The following UGT2B7 variants were observed in gnomAD, a reference collection of about 807,000 sequenced individuals.
The protein encoded by UGT2B7 is UDP glucuronosyltransferase family 2 member B7, also known as UDP-glucuronosyltransferase 2B7.
A neutral mutation model predicts 51.9 loss-of-function variants in UGT2B7; 51 were observed. The observed-to-expected ratio is 0.98, with a 90% CI of 0.78 to 1.24. The LOEUF (loss-of-function observed/expected upper bound fraction) is 1.24. UGT2B7 is among the 50% of genes most tolerant of loss of function. The pLI, the probability that UGT2B7 is intolerant of heterozygous loss-of-function variation, is 0.00. For synonymous variants in UGT2B7, 225 were observed against 211.6 expected (o/e 1.06, Z -0.55); for missense variants, 727 against 628.4 (o/e 1.16, Z -1.68).
intron 2 of UGT2B7, among the ~76,000 whole-genome samples, chr4:69,090,764 T>C (rs1719068223): frequency 6.6e-6 from 1 of 152,178 alleles, no homozygotes; most frequent in South Asian, 2.1e-4. Flanking sequence ...ACATTTTTAA[T>C]AGTCTTTCTA....
rs1319098587 is a variant in UGT2B7, at chr4:69,112,845, A to AG, written c.*109_*110insG. The AG allele has an allele frequency of 7.2e-6, 10 of 1,394,488 alleles. No individual in the cohort carries two copies. Among genetic ancestry groups the AG allele is most frequent in the Middle Eastern group, 3.8e-4 (2 of 5,288 alleles). 86.4% of individuals were successfully genotyped at this position (1,394,488 alleles called of 1,614,324 possible). A position where few individuals can be genotyped will look rare whatever the true frequency, so the allele number is the denominator to read the frequency against. ...TTCTTTCTTCCTGAGACAAAAAAAA[A>AG]AAAAGAAAAAAAAATCTTTTCAAAA... On this transcript the variant is annotated 3_prime_UTR_variant, in exon 6 of 6. Transcript: ENST00000305231.
At chr4:69,107,338 G>C in intron 4 of UGT2B7, 76 bp downstream of exon 4, 1 of 1,421,576 alleles carries the variant, frequency 7.0e-7, no homozygotes, top group Non-Finnish European at 9.5e-7. Flanking sequence ...CATGAAACAA[G>C]CTTATTGAAT....
chr4:69,105,548 C>G (rs888925427), intron 3 of UGT2B7, among the ~76,000 whole-genome samples: 5 of 152,118 alleles, frequency 3.3e-5, no homozygotes, highest in African/African-American at 9.7e-5. Flanking sequence ...CTTTGTAGCA[C>G]GTTGTCTCAG....
intron 1 of UGT2B7, among the ~76,000 whole-genome samples, chr4:69,072,742 A>G (rs1718626748): frequency 6.6e-6 from 1 of 152,142 alleles, no homozygotes; most frequent in Non-Finnish European, 1.5e-5. Flanking sequence ...TTTATTGATG[A>G]AGCTTAACAT....
intron 1 of UGT2B7, among the ~76,000 whole-genome samples, chr4:69,087,167 A>G (rs566381145): frequency 3.5e-5 from 5 of 144,516 alleles, no homozygotes; most frequent in East Asian, 2.0e-4. Flanking sequence ...TGGTTAAGTA[A>G]TTTTCTCTAG....
chr4:69,102,929 C>A lies in UGT2B7; in HGVS notation c.993C>A (p.Ile331=), dbSNP rs1252844804. ...ANVIASALAQ[I]PQKVLWRFDG... ...TAATTGCATCAGCCCTGGCCCAGAT[C>A]CCACAAAAGGTAAGATGAAGTGCCT... Residue 331 remains isoleucine (I), a synonymous_variant, in exon 3 of 6, where the codon ATC becomes ATA. Transcript: ENST00000305231. The A allele has an allele frequency of 1.9e-6, 3 of 1,612,596 alleles. No individual in the cohort carries two copies. The highest frequency in any genetic ancestry group is 2.7e-5 in the African/African-American group (2 of 74,868).
At position 69,102,820 on chromosome 4, in the gene UGT2B7, T is replaced by C. The variant is rs775191749; in HGVS notation, c.884T>C (p.Phe295Ser). 14 of 1,612,878 alleles carry C rather than the reference T, an allele frequency of 8.7e-6. No homozygotes were observed. In the South Asian group the frequency reaches 1.5e-4, roughly 18 times the overall value. The change falls in exon 3 of 6, where the codon TTT (phenylalanine) becomes TCT (serine). Residue 295 changes from phenylalanine (F) to serine (S), a missense_variant. Physicochemically the swap from Phe to Ser is radical, Grantham distance 155. Transcript: ENST00000305231. Reference sequence around the variant, plus strand: ...CTTTCTTCACAGGAAATGGAAGACTTTGTACAGAGCTCTGGAGAAAATGGT... The same window carrying C: ...CTTTCTTCACAGGAAATGGAAGACTCTGTACAGAGCTCTGGAGAAAATGGT... ...AKPLPKEMED[F>S]VQSSGENGVV...
In UGT2B7 at chr4:69,112,757, T is replaced by C; in HGVS notation, c.*21T>C. On this transcript the variant is annotated 3_prime_UTR_variant, in exon 6 of 6. Coordinates refer to ENST00000305231, the MANE Select transcript of UGT2B7 (RefSeq NM_001074.4). ...ATTAGTTATATCTGAGATTTGAAGC[T>C]GGAAAACCTGATAGGTGAGACTACT... The C allele has an allele frequency of 6.2e-7, 1 of 1,611,496 alleles. No individual in the cohort carries two copies. Among genetic ancestry groups the C allele is most frequent in the Non-Finnish European group, 8.5e-7 (1 of 1,179,436 alleles).
At chr4:69,101,227 T>G (rs555780868) in intron 2 of UGT2B7, among the ~76,000 whole-genome samples, 2 of 152,114 alleles carry the variant, frequency 1.3e-5, no homozygotes, top group East Asian at 1.9e-4. Context: ...TAAAATTATC[T>G]AAATAAGTGT....
At chr4:69,099,794 A>C (rs1402966959) in intron 2 of UGT2B7, among the ~76,000 whole-genome samples, 2 of 152,032 alleles carry the variant, frequency 1.3e-5, no homozygotes, top group Non-Finnish European at 2.9e-5. Context: ...TGGTCACTTG[A>C]GATATCATTC....
chr4:69,092,407 G>A (rs1719104969), upstream of UGT2B7, among the ~76,000 whole-genome samples: 2 of 152,092 alleles, frequency 1.3e-5, no homozygotes, highest in Non-Finnish European at 2.9e-5. Flanking sequence ...ACAGAGTAAT[G>A]GTTTACTGAC....
intron 1 of UGT2B7, among the ~76,000 whole-genome samples, chr4:69,070,487 C>A (rs997847635): frequency 2.7e-5 from 4 of 147,940 alleles, no homozygotes; most frequent in African/African-American, 9.9e-5. Flanking sequence ...AATTGCAAGA[C>A]AAATTTTATT....
At chr4:69,063,829 C>T (rs1384258455) in intron 1 of UGT2B7, among the ~76,000 whole-genome samples, 1 of 151,968 alleles carries the variant, frequency 6.6e-6, no homozygotes, top group Non-Finnish European at 1.5e-5. Flanking sequence ...TCTTAGGCCT[C>T]CTCATCAGAA....
chr4:69,071,865 T>G (rs1718609197), intron 1 of UGT2B7, among the ~76,000 whole-genome samples: 1 of 152,076 alleles, frequency 6.6e-6, no homozygotes, highest in African/African-American at 2.4e-5. Flanking sequence ...TAGACAAATA[T>G]TAGTCTGGGG....
intron 5 of UGT2B7, among the ~76,000 whole-genome samples, chr4:69,111,521 T>G (rs1719773761): frequency 6.6e-6 from 1 of 152,182 alleles, no homozygotes; most frequent in South Asian, 2.1e-4. Context: ...TTAAAAGGGC[T>G]CATGATGTTG....
intron 3 of UGT2B7, among the ~76,000 whole-genome samples, chr4:69,104,388 G>C (rs1194167364): frequency 6.6e-6 from 1 of 151,992 alleles, no homozygotes; most frequent in African/African-American, 2.4e-5. Flanking sequence ...CTTCAACATA[G>C]GGAACAAACT....
intron 5 of UGT2B7, 27 bp from the exon 6 acceptor site, chr4:69,112,430 A>T: frequency 6.2e-7 from 1 of 1,604,924 alleles, no homozygotes; most frequent in Non-Finnish European, 8.5e-7. Flanking sequence ...TTCCTGCTAC[A>T]TTACTGTCTT....
intron 3 of UGT2B7, 102 bp downstream of exon 3, chr4:69,103,040 A>G (rs552260086): frequency 1.0e-3 from 1,598 of 1,523,516 alleles, no homozygotes; most frequent in Non-Finnish European, 1.3e-3. Context: ...GAAGTTGACC[A>G]AAAGTTGAAA....
chr4:69,101,057 T>A (rs1360217423), intron 2 of UGT2B7, among the ~76,000 whole-genome samples: 1 of 152,104 alleles, frequency 6.6e-6, no homozygotes, highest in Non-Finnish European at 1.5e-5. Flanking sequence ...AAGGAATGAT[T>A]AAAAACTTAT....
Sources: allele counts gnomAD v4.1 joint callset (sites outside exome capture counted in the v4.1 genomes callset), GRCh38; gene constraint gnomAD v4.1.1; transcripts MANE v1.5; gene names NCBI Gene and HGNC (gene_info 2026-07-23, HGNC 2026-07-21).